The following FRMD4B variants were observed in gnomAD, a reference collection of about 807,000 sequenced individuals.
FRMD4B encodes the protein FERM domain-containing protein 4B.
FRMD4B carries 74 observed loss-of-function variants against 141.5 expected under a neutral mutation model. The ratio of observed to expected loss-of-function variants is 0.52; its 90% confidence interval spans 0.43 to 0.63. The LOEUF (loss-of-function observed/expected upper bound fraction) is 0.63, where lower values mean the gene tolerates loss of function less well. Ranked by LOEUF, FRMD4B falls within the 30% of genes least tolerant of loss-of-function variation. The probability of loss-of-function intolerance (pLI) is 0.00; values close to 1 mark genes in which losing one functional copy is unlikely to be tolerated. For missense variants in FRMD4B, 1,366 were observed against 1,253.4 expected (o/e 1.09, Z -1.36); for synonymous variants, 506 against 467.9 (o/e 1.08, Z -1.05).
chr3:69,396,188 A>G (rs1420208061), intron 2 of FRMD4B, among the ~76,000 whole-genome samples: 2 of 152,196 alleles, frequency 1.3e-5, no homozygotes, highest in African/African-American at 2.4e-5. Flanking sequence ...GCAGCAAGAT[A>G]TAAAGTGAAG....
intron 1 of FRMD4B, among the ~76,000 whole-genome samples, chr3:69,456,642 A>G (rs1190734278): frequency 2.0e-5 from 3 of 151,748 alleles, no homozygotes; most frequent in Non-Finnish European, 1.5e-5. Flanking sequence ...TCGCCATTGT[A>G]TACACCACTG....
At chr3:69,409,967 T>C (rs986256137) in intron 2 of FRMD4B, among the ~76,000 whole-genome samples, 4 of 152,160 alleles carry the variant, frequency 2.6e-5, no homozygotes, top group African/African-American at 7.2e-5. Context: ...TGGTCTGAAA[T>C]GGGGTTTCTC....
At chr3:69,416,027 T>G (rs1704852680) in intron 2 of FRMD4B, among the ~76,000 whole-genome samples, 1 of 152,220 alleles carries the variant, frequency 6.6e-6, no homozygotes, top group Admixed American at 6.5e-5. Flanking sequence ...TTAGAAAGAT[T>G]AAATATTAAA....
At chr3:69,278,506 C>T (rs1338484997) in intron 5 of FRMD4B, among the ~76,000 whole-genome samples, 3 of 151,922 alleles carry the variant, frequency 2.0e-5, no homozygotes, top group South Asian at 2.1e-4. Flanking sequence ...CTATGTTGCC[C>T]ATGCTGATCT....
chr3:69,237,740 T>G (rs2093354894), intron 7 of FRMD4B, among the ~76,000 whole-genome samples: 1 of 152,216 alleles, frequency 6.6e-6, no homozygotes, highest in South Asian at 2.1e-4. Flanking sequence ...ATTTATGTAC[T>G]CATTTACTGA....
At chr3:69,208,327 G>A (rs1216625405) in intron 11 of FRMD4B, among the ~76,000 whole-genome samples, 1 of 152,090 alleles carries the variant, frequency 6.6e-6, no homozygotes, top group Non-Finnish European at 1.5e-5. Flanking sequence ...GCCTCCCAAA[G>A]TGCTGGGATT....
rs118044824 is a variant in FRMD4B at position 69,467,777 on chromosome 3, G to A, written c.-128-35016C>T. The stretch of plus-strand genomic sequence containing the variant: ...CACCACATTCTCCTGATCATGACTC[G>A]TTTAGGTACGGGTACAGAATCCATG... On this transcript the variant is annotated intron_variant, in intron 1 of 5. Coordinates refer to the FRMD4B transcript ENST00000459638. 6.2e-3 allele frequency among the ~76,000 whole-genome samples: 942 copies of A among 152,268 alleles called. 17 individuals carry two copies. In the East Asian group the frequency reaches 0.071, roughly 11 times the overall value.
intron 11 of FRMD4B, among the ~76,000 whole-genome samples, chr3:69,203,084 T>TAAA (rs11313220): frequency 5.1e-5 from 7 of 137,504 alleles, no homozygotes; most frequent in African/African-American, 1.9e-4. Context: ...TAAGATGAAG[T>TAAA]AAAAAAAAAA....
In FRMD4B at chr3:69,215,282, C is replaced by CTTTTTTTTTTT. The variant is rs1559724064; in HGVS notation, c.876+980_876+981insAAAAAAAAAAA. Reference sequence around the variant, plus strand: ...AATCCAAATCTGATAGATTGTGACCCTCTTTTTTTTTTTTTTTTTTTTTTT... The same window carrying CTTTTTTTTTTT: ...AATCCAAATCTGATAGATTGTGACCCTTTTTTTTTTTTCTTTTTTTTTTTTTTTTTTTTTTT... On this transcript the variant is annotated intron_variant, in intron 11 of 22. Coordinates refer to ENST00000398540, the MANE Select transcript of FRMD4B (RefSeq NM_015123.3). Among the ~76,000 whole-genome samples the CTTTTTTTTTTT allele has an allele frequency of 1.6e-4, 6 of 37,496 alleles. No individual in the cohort carries two copies. In the East Asian group the frequency reaches 1.7e-3, roughly 11 times the overall value. 24.6% of individuals were successfully genotyped at this position (37,496 alleles called of 152,430 possible).
rs985738875 is a variant in FRMD4B at position 69,230,190 on chromosome 3, C to G, written c.582-5500G>C. 3.9e-5 allele frequency among the ~76,000 whole-genome samples: 6 copies of G among 152,102 alleles called. 1 individual carries two copies. In the South Asian group the frequency reaches 1.2e-3, roughly 32 times the overall value. ...ATGGGGTTTCACCAAGTTGGCCAGG[C>G]TGATCTTGAACTCCTGACCTCGTGA... On this transcript the variant is annotated intron_variant, in intron 7 of 22. Transcript: ENST00000398540.
chr3:69,509,305 C>G (rs1053175569), intron 1 of FRMD4B, among the ~76,000 whole-genome samples: 1 of 152,196 alleles, frequency 6.6e-6, no homozygotes, highest in Admixed American at 6.5e-5. Flanking sequence ...GCCAGTTGAA[C>G]GGGCAAGTCT....
rs925932838 is a variant in FRMD4B, at chr3:69,225,457, C to T, written c.582-767G>A. The stretch of plus-strand genomic sequence containing the variant: ...TTGGGAGGCCAAGGCGGGCAGATCA[C>T]AAGGTCAGGAGATTGAGACCATCCT... On this transcript the variant is annotated intron_variant, in intron 7 of 22. Transcript: ENST00000398540. Among the ~76,000 whole-genome samples, 9 of 137,336 alleles carry T rather than the reference C, an allele frequency of 6.6e-5. No individual in the cohort carries two copies. In the South Asian group the frequency reaches 1.6e-3, roughly 24 times the overall value. 90.1% of individuals were successfully genotyped at this position (137,336 alleles called of 152,430 possible).
chr3:69,171,866 C>CT lies in FRMD4B; in HGVS notation c.3099dup (p.Val1034SerfsTer9). The CT allele has an allele frequency of 3.1e-6, 5 of 1,613,668 alleles. No homozygotes were observed. Among genetic ancestry groups the CT allele is most frequent in the Non-Finnish European group, 4.2e-6 (5 of 1,179,604 alleles). ...TCAGGAGGTCCAACTGCAGTTCAGA[C>CT]TAATGTTCCAGGCTTTGAATCTTCA... On this transcript the variant is annotated frameshift_variant, in exon 23 of 23. Transcript: ENST00000398540. LOFTEE classifies it high-confidence loss of function.
intron 1 of FRMD4B, among the ~76,000 whole-genome samples, chr3:69,325,042 G>A (rs1400387435): frequency 1.4e-5 from 2 of 139,156 alleles, no homozygotes; most frequent in African/African-American, 5.4e-5. Flanking sequence ...CTGTGCCACT[G>A]TACTCCAGCC....
chr3:69,446,379 C>A (rs1445233406), intron 1 of FRMD4B, among the ~76,000 whole-genome samples: 2 of 151,902 alleles, frequency 1.3e-5, no homozygotes, highest in Non-Finnish European at 2.9e-5. Flanking sequence ...GTCATCCTGG[C>A]TGGAGTGCAG....
intron 1 of FRMD4B, among the ~76,000 whole-genome samples, chr3:69,355,722 C>T (rs772277675): frequency 7.9e-5 from 12 of 151,930 alleles, no homozygotes; most frequent in Non-Finnish European, 1.3e-4. Context: ...ATGGAGTCTA[C>T]CAGGAGTATT....
intron 1 of FRMD4B, among the ~76,000 whole-genome samples, chr3:69,362,060 A>T (rs992322588): frequency 3.3e-5 from 5 of 152,210 alleles, no homozygotes; most frequent in Admixed American, 3.3e-4. Context: ...GAAGTAGTAG[A>T]AGCATTTGTG....
chr3:69,302,757 T>G (rs1172620121), intron 3 of FRMD4B, among the ~76,000 whole-genome samples: 1 of 152,178 alleles, frequency 6.6e-6, no homozygotes, highest in Non-Finnish European at 1.5e-5. Context: ...TCCAAGAGGA[T>G]ATTGTTTAAA....
intron 15 of FRMD4B, 39 bp downstream of exon 15, chr3:69,195,192 G>A: frequency 6.2e-7 from 1 of 1,613,348 alleles, no homozygotes; most frequent in Non-Finnish European, 8.5e-7. Flanking sequence ...GGCCAAAGTT[G>A]TCAAACACAA....
Sources: allele counts gnomAD v4.1 joint callset (sites outside exome capture counted in the v4.1 genomes callset), GRCh38; gene constraint gnomAD v4.1.1; transcripts MANE v1.5; gene names NCBI Gene and HGNC (gene_info 2026-07-23, HGNC 2026-07-21).